Variants in BBS9 observed in about 807,000 individuals in gnomAD.
BBS9 encodes protein PTHB1.
In BBS9, 89 loss-of-function variants were observed where a neutral mutation model predicts 117.7. The observed-to-expected ratio is 0.76, with a 90% CI of 0.64 to 0.90. The LOEUF (loss-of-function observed/expected upper bound fraction) is 0.90, where lower values mean the gene tolerates loss of function less well. Among genes scored for constraint, BBS9 ranks in the 40% least tolerant of loss-of-function variants. The pLI is 0.00. For synonymous variants in BBS9, 379 were observed against 370.9 expected, an observed-to-expected ratio of 1.02 and a Z score of -0.25; for missense variants, 982 against 1,042.2, an observed-to-expected ratio of 0.94 and a Z score of 0.80.
chr7:33,138,870 T>C (rs1314864687), intron 1 of BBS9, among the ~76,000 whole-genome samples: 4 of 151,094 alleles, frequency 2.6e-5, no homozygotes, highest in African/African-American at 9.7e-5. Flanking sequence ...ATTACAGACA[T>C]GAACCACTGT....
intron 5 of BBS9, among the ~76,000 whole-genome samples, chr7:33,183,035 C>G (rs568024148): frequency 6.6e-6 from 1 of 152,264 alleles, no homozygotes; most frequent in African/African-American, 2.4e-5. Context: ...AGTGTCCCCC[C>G]ATAACTTCCA....
intron 21 of BBS9, among the ~76,000 whole-genome samples, chr7:33,595,496 C>T (rs1362548410): frequency 6.6e-6 from 1 of 152,116 alleles, no homozygotes; most frequent in Non-Finnish European, 1.5e-5. Context: ...TACCATCTTA[C>T]ACCAGTCAGA....
chr7:33,283,495 CA>C (rs1802296901), intron 9 of BBS9, among the ~76,000 whole-genome samples: 1 of 151,882 alleles, frequency 6.6e-6, no homozygotes, highest in South Asian at 2.1e-4. Flanking sequence ...TATTTATTCT[CA>C]TTTAAAAAAT....
At chr7:33,352,222 G>A (rs1300448779) in intron 14 of BBS9, among the ~76,000 whole-genome samples, 1 of 152,202 alleles carries the variant, frequency 6.6e-6, no homozygotes, top group African/African-American at 2.4e-5. Context: ...CATCTTATGT[G>A]TTAAAATACT....
At chr7:33,267,790 A>G (rs532436753) in intron 7 of BBS9, among the ~76,000 whole-genome samples, 1 of 152,164 alleles carries the variant, frequency 6.6e-6, no homozygotes, top group Non-Finnish European at 1.5e-5. Flanking sequence ...CCATGTAGGT[A>G]TCATTTCTGC....
intron 21 of BBS9, among the ~76,000 whole-genome samples, chr7:33,556,511 T>C (rs73109662): frequency 0.12 from 17,596 of 152,270 alleles, 1,259 homozygotes; most frequent in African/African-American, 0.2. Flanking sequence ...GGAAAATTAG[T>C]ATTTTATTTT....
chr7:33,617,866 T>G (rs1014136736), intron 21 of BBS9, among the ~76,000 whole-genome samples: 2 of 151,930 alleles, frequency 1.3e-5, no homozygotes, highest in Non-Finnish European at 2.9e-5. Context: ...AAAGATAAAA[T>G]AATGTAGACA....
At chr7:33,627,596 T>A (rs1438218345) in intron 21 of BBS9, among the ~76,000 whole-genome samples, 1 of 152,208 alleles carries the variant, frequency 6.6e-6, no homozygotes, top group Non-Finnish European at 1.5e-5. Flanking sequence ...CCAAGGGGGC[T>A]GTACCCTGAA....
intron 5 of BBS9, among the ~76,000 whole-genome samples, chr7:33,246,918 A>G (rs1336271940): frequency 1.3e-5 from 2 of 152,160 alleles, no homozygotes; most frequent in Non-Finnish European, 2.9e-5. Context: ...CATGTTAAGG[A>G]AATTGCTATT....
intron 20 of BBS9, among the ~76,000 whole-genome samples, chr7:33,529,966 T>G (rs940909650): frequency 1.3e-5 from 2 of 152,210 alleles, no homozygotes; most frequent in East Asian, 3.8e-4. Flanking sequence ...ATAAAGGTAA[T>G]GAGCTCAAAT....
chr7:33,519,638 T>A (rs1848316365), intron 20 of BBS9, among the ~76,000 whole-genome samples: 1 of 152,170 alleles, frequency 6.6e-6, no homozygotes, highest in African/African-American at 2.4e-5. Flanking sequence ...TTCATTTGGA[T>A]AAAGAAGCTG....
chr7:33,560,162 C>A (rs554556295), intron 21 of BBS9, among the ~76,000 whole-genome samples: 2 of 152,222 alleles, frequency 1.3e-5, no homozygotes, highest in African/African-American at 4.8e-5. Flanking sequence ...GTACCCCTAG[C>A]GCTTAACATA....
chr7:33,198,294 G>A (rs941491868), intron 5 of BBS9, among the ~76,000 whole-genome samples: 1 of 151,938 alleles, frequency 6.6e-6, no homozygotes, highest in African/African-American at 2.4e-5. Flanking sequence ...GGAAAATTAA[G>A]ATTTCATATG....
At chr7:33,310,133 C>T (rs999041803) in intron 9 of BBS9, among the ~76,000 whole-genome samples, 1 of 152,194 alleles carries the variant, frequency 6.6e-6, no homozygotes. Flanking sequence ...TCAATCACCC[C>T]ACAAAATTCA....
chr7:33,604,757 C>T (rs964292646), intron 21 of BBS9, 108 bp from the exon 22 acceptor site: 47 of 809,158 alleles, frequency 5.8e-5, no homozygotes, highest in East Asian at 2.4e-4. Flanking sequence ...ATTGTTGTCA[C>T]GTCATTTATT....
chr7:33,318,636 G>A (rs1811039164), intron 9 of BBS9, among the ~76,000 whole-genome samples: 1 of 152,086 alleles, frequency 6.6e-6, no homozygotes, highest in African/African-American at 2.4e-5. Context: ...GGTTACATGA[G>A]TAAGTTCTTT....
At position 33,169,904 on chromosome 7, in the gene BBS9, G is replaced by T. The variant is rs1796277773; in HGVS notation, c.329-7574G>T. ...CCTTGCCCATGCCTATGTTCTGAAT[G>T]GTAATGCCTAGGTTTTCTTCTAGGG... On this transcript the variant is annotated intron_variant, in intron 4 of 22. Coordinates refer to ENST00000242067, the MANE Select transcript of BBS9 (RefSeq NM_198428.3). Among the ~76,000 whole-genome samples, 6 of 151,738 alleles carry T rather than the reference G, an allele frequency of 4.0e-5. No homozygotes were observed. The South Asian group carries it at 1.2e-3, about 32-fold the overall frequency.
intron 5 of BBS9, among the ~76,000 whole-genome samples, chr7:33,240,291 T>G (rs1169784804): frequency 6.6e-6 from 1 of 151,086 alleles, no homozygotes; most frequent in Middle Eastern, 3.4e-3. Flanking sequence ...AGGATCTTGC[T>G]ATGTCACCCA....
In BBS9 at chr7:33,266,547, T is replaced by A. The variant is rs528211155; in HGVS notation, c.702+2173T>A. On this transcript the variant is annotated intron_variant, in intron 7 of 22. Transcript: ENST00000242067. ...AGTGTGCACCTGAAAAGAATGTGTATTTTTTTTGTTGTTAGAGTGTTTCAT... is the reference window on the plus strand; with the variant it reads ...AGTGTGCACCTGAAAAGAATGTGTAATTTTTTTGTTGTTAGAGTGTTTCAT... Among the ~76,000 whole-genome samples, 4 of 152,032 alleles carry A rather than the reference T, an allele frequency of 2.6e-5. No individual in the cohort carries two copies. The East Asian group carries it at 5.8e-4, about 22-fold the overall frequency.
Sources: gnomAD v4.1 joint callset for allele counts (sites outside exome capture counted in the v4.1 genomes callset) on GRCh38, gnomAD v4.1.1 for gene constraint, MANE v1.5 for transcripts, NCBI Gene and HGNC (gene_info 2026-07-23, HGNC 2026-07-21) for gene names.